The following NOL4 variants were observed in gnomAD, a reference collection of about 807,000 sequenced individuals.
The protein encoded by NOL4 is cancer/testis antigen 125.
A neutral mutation model predicts 75.9 loss-of-function variants in NOL4; 17 were observed. The observed-to-expected ratio is 0.22, with a 90% confidence interval of 0.15 to 0.34. The LOEUF (loss-of-function observed/expected upper bound fraction) is 0.34, where lower values mean the gene tolerates loss of function less well. Ranked by LOEUF, NOL4 falls within the 10% of genes least tolerant of loss-of-function variation. NOL4 has a pLI of 1.00. For synonymous variants in NOL4, 292 were observed against 289.9 expected, an observed-to-expected ratio of 1.01 and a Z score of -0.07; for missense variants, 614 against 793.5, an observed-to-expected ratio of 0.77 and a Z score of 2.72.
At chr18:34,031,413 A>G (rs540254970) in intron 5 of NOL4, among the ~76,000 whole-genome samples, 81 of 152,346 alleles carry the variant, frequency 5.3e-4, no homozygotes, top group African/African-American at 1.9e-3. Context: ...TATTAGATTC[A>G]ACAGATATAT....
chr18:34,140,665 T>A (rs1175070199), intron 1 of NOL4, among the ~76,000 whole-genome samples: 1 of 152,194 alleles, frequency 6.6e-6, no homozygotes, highest in Non-Finnish European at 1.5e-5. Context: ...AATTGGAGCA[T>A]TTAGCCCATT....
chr18:34,076,390 A>G (rs1422084832), intron 5 of NOL4, among the ~76,000 whole-genome samples: 16 of 152,194 alleles, frequency 1.1e-4, no homozygotes, highest in Non-Finnish European at 1.5e-4. Context: ...GCAGTGGCCT[A>G]TTCTACTTAC....
chr18:34,092,297 T>C (rs10853430), intron 5 of NOL4, among the ~76,000 whole-genome samples: 129,000 of 152,088 alleles, frequency 0.85, 54,846 homozygotes, highest in East Asian at 0.96. Flanking sequence ...CCAAATAAAT[T>C]GCTTTTCTAC....
chr18:34,184,964 A>G (rs2034341812), intron 1 of NOL4, among the ~76,000 whole-genome samples: 2 of 152,122 alleles, frequency 1.3e-5, no homozygotes, highest in African/African-American at 4.8e-5. Flanking sequence ...TGTGGAGGCT[A>G]AATAGGACCT....
chr18:33,957,222 T>C, intron 8 of NOL4, 104 bp downstream of exon 8: 1 of 945,864 alleles, frequency 1.1e-6, no homozygotes, highest in Non-Finnish European at 1.5e-6. Flanking sequence ...CCTGACATTA[T>C]GGAAAAAAAT....
chr18:34,046,559 A>G (rs2076372134), intron 5 of NOL4, among the ~76,000 whole-genome samples: 2 of 142,640 alleles, frequency 1.4e-5, no homozygotes, highest in Admixed American at 7.3e-5. Context: ...TTAAGGTAGT[A>G]AATTGGCTAA....
intron 4 of NOL4, among the ~76,000 whole-genome samples, chr18:34,102,445 C>A (rs930785171): frequency 2.0e-5 from 3 of 151,946 alleles, no homozygotes; most frequent in East Asian, 1.9e-4. Context: ...TCAATAAACA[C>A]AATTTTCTAA....
At chr18:34,157,977 CA>C (rs1167484561) in intron 1 of NOL4, among the ~76,000 whole-genome samples, 1 of 151,824 alleles carries the variant, frequency 6.6e-6, no homozygotes, top group Non-Finnish European at 1.5e-5. Flanking sequence ...GAAAGTGTGA[CA>C]AAATGAAATT....
intron 6 of NOL4, among the ~76,000 whole-genome samples, chr18:33,984,562 C>T (rs1018256576): frequency 6.6e-6 from 1 of 152,006 alleles, no homozygotes; most frequent in Non-Finnish European, 1.5e-5. Context: ...CTCATGAACT[C>T]TGGTTGTTTG....
At chr18:34,182,099 C>T (rs2034088846) in intron 1 of NOL4, among the ~76,000 whole-genome samples, 1 of 151,560 alleles carries the variant, frequency 6.6e-6, no homozygotes, top group African/African-American at 2.4e-5. Flanking sequence ...AGCACAAAAA[C>T]TTATACACAA....
chr18:34,202,616 A>G (rs990501533), intron 1 of NOL4, among the ~76,000 whole-genome samples: 15 of 151,998 alleles, frequency 9.9e-5, no homozygotes, highest in Admixed American at 6.6e-5. Context: ...GGAGATGACT[A>G]AACTCAGTAA....
At chr18:34,082,039 T>C (rs1246769429) in intron 5 of NOL4, among the ~76,000 whole-genome samples, 1 of 152,106 alleles carries the variant, frequency 6.6e-6, no homozygotes, top group Non-Finnish European at 1.5e-5. Context: ...CAGGAAAACA[T>C]CTACAAGTGG....
chr18:33,898,776 CT>C (rs1266447917), intron 9 of NOL4, among the ~76,000 whole-genome samples: 1 of 152,122 alleles, frequency 6.6e-6, no homozygotes, highest in African/African-American at 2.4e-5. Flanking sequence ...TCTTTAAAAA[CT>C]TTTGAGACTT....
In NOL4 at chr18:34,130,141, C is replaced by T. The variant is rs1039788561; in HGVS notation, c.265-121G>A. 1.5e-4 allele frequency: 137 copies of T among 896,438 alleles called. No homozygotes were observed. The African/African-American group carries it at 1.9e-3, about 13-fold the overall frequency. 55.5% of individuals were successfully genotyped at this position (896,438 alleles called of 1,614,324 possible). Reference sequence around the variant, plus strand: ...TCAACAAAATCATCTATATAGGAAACGTCAAAAATTCATGAATGAATATTT... The same window carrying T: ...TCAACAAAATCATCTATATAGGAAATGTCAAAAATTCATGAATGAATATTT... On this transcript the variant is annotated intron_variant, in intron 1 of 10. Transcript: ENST00000261592.
chr18:34,181,022 C>A (rs1254791195), intron 1 of NOL4, among the ~76,000 whole-genome samples: 1 of 151,148 alleles, frequency 6.6e-6, no homozygotes, highest in Non-Finnish European at 1.5e-5. Context: ...CAACAAAATC[C>A]CTATCAAAAT....
chr18:34,098,976 T>C (rs188683397), intron 4 of NOL4, among the ~76,000 whole-genome samples: 1 of 152,300 alleles, frequency 6.6e-6, no homozygotes, highest in Admixed American at 6.5e-5. Context: ...ATCAATTCTT[T>C]CTTTGATGTG....
At chr18:34,177,377 C>T (rs1307842789) in intron 1 of NOL4, among the ~76,000 whole-genome samples, 1 of 151,766 alleles carries the variant, frequency 6.6e-6, no homozygotes, top group South Asian at 2.1e-4. Context: ...CATGTGCATT[C>T]ATATGTCAAA....
In NOL4 at chr18:33,991,479, G is replaced by A. The variant is rs188153584; in HGVS notation, c.1056+27839C>T. Among the ~76,000 whole-genome samples the A allele has an allele frequency of 5.2e-4, 79 of 152,014 alleles. 1 individual carries two copies. In the East Asian group the frequency reaches 0.013, roughly 25 times the overall value. On this transcript the variant is annotated intron_variant, in intron 6 of 10. Coordinates refer to ENST00000261592, the MANE Select transcript of NOL4 (RefSeq NM_003787.5). ...TATCTTGTATACTTGGTTTCTCTGG[G>A]ATACAACAATTAATCCTATCTTATT...
At chr18:34,197,923 G>A (rs1435319892) in intron 1 of NOL4, among the ~76,000 whole-genome samples, 2 of 151,844 alleles carry the variant, frequency 1.3e-5, no homozygotes, top group Non-Finnish European at 2.9e-5. Context: ...GGTTGTTAAA[G>A]GCCCAGAAGG....
Sources: gnomAD v4.1 joint callset for allele counts (sites outside exome capture counted in the v4.1 genomes callset) on GRCh38, gnomAD v4.1.1 for gene constraint, MANE v1.5 for transcripts, NCBI Gene and HGNC (gene_info 2026-07-23, HGNC 2026-07-21) for gene names.